The following UTRN variants were observed in gnomAD, a reference collection of about 807,000 sequenced individuals.
UTRN encodes the protein utrophin, also known as dystrophin-related protein 1.
A neutral mutation model predicts 463.9 loss-of-function variants in UTRN; 283 were observed. The observed-to-expected ratio is 0.61, with a 90% CI of 0.55 to 0.67. The LOEUF is 0.67. Ranked by LOEUF, UTRN falls within the 30% of genes least tolerant of loss-of-function variation. The probability of loss-of-function intolerance (pLI) is 0.00; values close to 1 mark genes in which losing one functional copy is unlikely to be tolerated. For synonymous variants in UTRN, 1,442 were observed against 1,431.5 expected (o/e 1.01, Z -0.17); for missense variants, 3,922 against 4,084.3 (o/e 0.96, Z 1.08).
chr6:144,848,833 A>T (rs902156569), intron 74 of UTRN, among the ~76,000 whole-genome samples: 1 of 152,158 alleles, frequency 6.6e-6, no homozygotes, highest in South Asian at 2.1e-4. Flanking sequence ...TTTTTACTTC[A>T]AGAAGTGAAG....
chr6:144,685,105 C>A (rs1423716394), intron 52 of UTRN, among the ~76,000 whole-genome samples: 1 of 152,168 alleles, frequency 6.6e-6, no homozygotes, highest in Non-Finnish European at 1.5e-5. Context: ...GCTTATCTCC[C>A]ACTTGTAAGT....
At chr6:144,588,626 TG>T (rs1383177537) in intron 51 of UTRN, among the ~76,000 whole-genome samples, 3 of 152,150 alleles carry the variant, frequency 2.0e-5, no homozygotes, top group Non-Finnish European at 4.4e-5. Context: ...ATTTGATAAT[TG>T]TAACTTAAAG....
chr6:144,375,645 A>G (rs1780388212), intron 2 of UTRN, among the ~76,000 whole-genome samples: 1 of 152,072 alleles, frequency 6.6e-6, no homozygotes, highest in Non-Finnish European at 1.5e-5. Context: ...TTGCCTGGCT[A>G]CTGATTCTCA....
At chr6:144,334,316 G>A (rs928344728) in intron 2 of UTRN, among the ~76,000 whole-genome samples, 3 of 150,660 alleles carry the variant, frequency 2.0e-5, no homozygotes, top group Non-Finnish European at 4.4e-5. Flanking sequence ...GTGTGTGTTT[G>A]GGGGGGGTGG....
intron 51 of UTRN, among the ~76,000 whole-genome samples, chr6:144,649,166 A>G (rs1040681050): frequency 1.3e-5 from 2 of 152,192 alleles, no homozygotes; most frequent in Non-Finnish European, 2.9e-5. Context: ...ATAAAATTTG[A>G]ATAGATTTAA....
intron 43 of UTRN, 57 bp downstream of exon 43, chr6:144,533,317 T>C: frequency 6.3e-7 from 1 of 1,576,308 alleles, no homozygotes; most frequent in Middle Eastern, 2.0e-4. Context: ...GGATAGAATC[T>C]TTTAAGATGC....
chr6:144,466,523 A>G (rs1789978197), intron 23 of UTRN, among the ~76,000 whole-genome samples: 1 of 152,220 alleles, frequency 6.6e-6, no homozygotes, highest in Non-Finnish European at 1.5e-5. Context: ...CCATTCCTGT[A>G]CTTACGAGGT....
intron 50 of UTRN, among the ~76,000 whole-genome samples, chr6:144,568,942 T>C (rs1170331994): frequency 1.3e-5 from 2 of 152,130 alleles, no homozygotes; most frequent in Non-Finnish European, 2.9e-5. Flanking sequence ...TGTACACAAA[T>C]GGCATTAAAG....
chr6:144,561,686 G>A (rs145202331), intron 50 of UTRN, among the ~76,000 whole-genome samples: 107 of 152,264 alleles, frequency 7.0e-4, no homozygotes, highest in African/African-American at 2.5e-3. Context: ...CCTATAGGAA[G>A]TTATTTCAAC....
intron 51 of UTRN, among the ~76,000 whole-genome samples, chr6:144,584,880 AC>A (rs1034397394): frequency 1.1e-4 from 16 of 152,216 alleles, no homozygotes; most frequent in African/African-American, 3.4e-4. Context: ...TTCTGGTAAA[AC>A]ATTTATGTTT....
At chr6:144,350,659 C>T (rs1228222793) in intron 2 of UTRN, among the ~76,000 whole-genome samples, 1 of 152,158 alleles carries the variant, frequency 6.6e-6, no homozygotes, top group African/African-American at 2.4e-5. Context: ...TTTATTGGCT[C>T]TTTGGACAAA....
rs528813710 is a variant in UTRN at position 144,344,287 on chromosome 6, C to T, written c.79+52380C>T. ...TTGCCAGGGCATGTAGCTCTCCAGGCTTGCAAGCGATTACCAGGTAAGTTT... is the reference window on the plus strand; with the variant it reads ...TTGCCAGGGCATGTAGCTCTCCAGGTTTGCAAGCGATTACCAGGTAAGTTT... On this transcript the variant is annotated intron_variant, in intron 2 of 74. Coordinates refer to ENST00000367545, the MANE Select transcript of UTRN (RefSeq NM_007124.3). The T allele has an allele frequency of 6.7e-5, 87 of 1,304,148 alleles. 1 individual carries two copies. In the African/African-American group the frequency reaches 1.2e-3, roughly 18 times the overall value. The allele number at this position is 1,304,148 out of a possible 1,614,324, so 80.8% of individuals were successfully genotyped here.
At chr6:144,824,362 G>A (rs1451596126) in intron 66 of UTRN, among the ~76,000 whole-genome samples, 2 of 149,116 alleles carry the variant, frequency 1.3e-5, no homozygotes, top group Non-Finnish European at 3.0e-5. Flanking sequence ...GGCACTAAAA[G>A]GGTCATTAAG....
intron 69 of UTRN, among the ~76,000 whole-genome samples, chr6:144,831,108 A>AGAT (rs1256000388): frequency 6.6e-6 from 1 of 152,208 alleles, no homozygotes. Flanking sequence ...GAAAGGAAAT[A>AGAT]GATAAGTAGT....
rs570844843 is a variant in UTRN at position 144,293,018 on chromosome 6, C to T, written c.79+1111C>T. Reference sequence around the variant, plus strand: ...ATGTAGCAACTATTGTGTAGCTTGACGGGTCTTTTGAAGGTATAGCTTAAT... The same window carrying T: ...ATGTAGCAACTATTGTGTAGCTTGATGGGTCTTTTGAAGGTATAGCTTAAT... On this transcript the variant is annotated intron_variant, in intron 2 of 74. Transcript: ENST00000367545. Among the ~76,000 whole-genome samples, 26 of 152,198 alleles carry T rather than the reference C, an allele frequency of 1.7e-4. No individual in the cohort carries two copies. The South Asian group carries it at 2.1e-3, about 12-fold the overall frequency.
At chr6:144,410,443 G>C (rs772990209) in intron 3 of UTRN, among the ~76,000 whole-genome samples, 100 of 152,000 alleles carry the variant, frequency 6.6e-4, no homozygotes, top group Non-Finnish European at 1.1e-3. Context: ...ATAGGTTTTG[G>C]GGGGAACAGG....
rs1562561357 is a variant in UTRN at position 144,550,979 on chromosome 6, C to T, written c.6825C>T (p.Asp2275=). The T allele has an allele frequency of 1.2e-6, 2 of 1,605,122 alleles. No individual in the cohort carries two copies. Among genetic ancestry groups the T allele is most frequent in the East Asian group, 2.2e-5 (1 of 44,710 alleles). The change falls in exon 48 of 75, where the codon GAC becomes GAT. Residue 2275 remains aspartate, a synonymous_variant. Coordinates refer to ENST00000367545, the MANE Select transcript of UTRN (RefSeq NM_007124.3). ...TVSRMKITKA[D]LEQRHPQLDY... ...CTACTTAACAGATTACAAAGGCTGA[C>T]TTAGAACAGCGCCATCCTCAGCTGG...
chr6:144,413,460 A>G (rs1229085938), intron 3 of UTRN, among the ~76,000 whole-genome samples: 1 of 152,172 alleles, frequency 6.6e-6, no homozygotes, highest in African/African-American at 2.4e-5. Flanking sequence ...GCGTCAGGCA[A>G]GAGAGAGAGC....
At chr6:144,716,708 C>T (rs1786489389) in intron 53 of UTRN, among the ~76,000 whole-genome samples, 5 of 152,078 alleles carry the variant, frequency 3.3e-5, no homozygotes, top group Admixed American at 6.5e-5. Flanking sequence ...TTTCATTTTG[C>T]ATTATTTCCT....
Sources: allele counts gnomAD v4.1 joint callset (sites outside exome capture counted in the v4.1 genomes callset), GRCh38; gene constraint gnomAD v4.1.1; transcripts MANE v1.5; gene names NCBI Gene and HGNC (gene_info 2026-07-23, HGNC 2026-07-21).